The following IRGM variants were observed in gnomAD, a reference collection of about 807,000 sequenced individuals.
IRGM encodes the protein immunity related GTPase M.
For synonymous variants in IRGM, 98 were observed against 80.6 expected, an observed-to-expected ratio of 1.22 and a Z score of -1.16; for missense variants, 288 against 219.9, an observed-to-expected ratio of 1.31 and a Z score of -1.96.
intron 1 of IRGM, among the ~76,000 whole-genome samples, chr5:150,875,936 G>C (rs1278575069): frequency 6.6e-6 from 1 of 152,162 alleles, no homozygotes; most frequent in Non-Finnish European, 1.5e-5. Flanking sequence ...TGCCTATCCT[G>C]TGTACAATGC....
At chr5:150,880,552 T>C (rs188125050) in intron 3 of IRGM, among the ~76,000 whole-genome samples, 2 of 152,274 alleles carry the variant, frequency 1.3e-5, no homozygotes, top group East Asian at 3.9e-4. Flanking sequence ...TAAGTCCAAC[T>C]TGCAGCCTCC....
rs753704515 is a variant in IRGM, at chr5:150,896,571, C to CT, written c.*141-4017dup. ...AAGATTAGAATTGGGCTCACTCTGGCTAGATGATTTTCCACCTCCAAAACT... is the reference window on the plus strand; with the variant it reads ...AAGATTAGAATTGGGCTCACTCTGGCTTAGATGATTTTCCACCTCCAAAACT... On this transcript the variant is annotated intron_variant and NMD_transcript_variant, in intron 3 of 3. Coordinates refer to the IRGM transcript ENST00000520549. The CT allele has an allele frequency of 1.9e-6, 3 of 1,613,710 alleles. No homozygotes were observed. The Admixed American group carries it at 5.0e-5, about 27-fold the overall frequency.
intron 3 of IRGM, among the ~76,000 whole-genome samples, chr5:150,882,859 G>A (rs917252449): frequency 2.0e-5 from 3 of 152,078 alleles, no homozygotes; most frequent in African/African-American, 7.2e-5. Context: ...CTACACTTTA[G>A]ACCAAAGGGA....
chr5:150,901,068 T>C (rs186655013), downstream of IRGM, among the ~76,000 whole-genome samples: 12 of 152,122 alleles, frequency 7.9e-5, no homozygotes, highest in Admixed American at 3.3e-4. Flanking sequence ...TGTTAAAGGC[T>C]GAAAAGGAGG....
intron 3 of IRGM, among the ~76,000 whole-genome samples, chr5:150,899,422 A>T (rs1754917236): frequency 1.4e-5 from 2 of 139,116 alleles, no homozygotes; most frequent in South Asian, 2.4e-4. Context: ...TTTTTTTTTA[A>T]AAAAAGAAAA....
chr5:150,876,984 G>C (rs1041641276), intron 1 of IRGM, among the ~76,000 whole-genome samples: 1 of 151,884 alleles, frequency 6.6e-6, no homozygotes, highest in Middle Eastern at 3.2e-3. Context: ...CTTTATATTA[G>C]CATTTAAGCG....
downstream of IRGM, among the ~76,000 whole-genome samples, chr5:150,851,257 GGTGAAGA>G (rs1753970334): frequency 6.6e-6 from 1 of 152,158 alleles, no homozygotes; most frequent in Non-Finnish European, 1.5e-5. Flanking sequence ...AGATGGAGCA[GGTGAAGA>G]GTCAGATAAT....
At chr5:150,859,984 C>T (rs1046718893) in intron 1 of IRGM, among the ~76,000 whole-genome samples, 2 of 152,162 alleles carry the variant, frequency 1.3e-5, no homozygotes, top group African/African-American at 2.4e-5. Flanking sequence ...ACCCTGGCAC[C>T]TCTCACTGGG....
chr5:150,895,123 G>A (rs1158116530), intron 3 of IRGM: 1 of 249,134 alleles, frequency 4.0e-6, no homozygotes, highest in Non-Finnish European at 7.6e-6. Flanking sequence ...CACAATGGCT[G>A]ATTATCATTT....
intron 1 of IRGM, among the ~76,000 whole-genome samples, chr5:150,864,513 C>A (rs1754178662): frequency 6.6e-6 from 1 of 152,186 alleles, no homozygotes; most frequent in African/African-American, 2.4e-5. Flanking sequence ...TCAACCCTTT[C>A]AAATCTCTTT....
At chr5:150,893,040 T>C (rs1024053893) in intron 3 of IRGM, among the ~76,000 whole-genome samples, 1 of 152,152 alleles carries the variant, frequency 6.6e-6, no homozygotes, top group Non-Finnish European at 1.5e-5. Context: ...TGCTTAGGTA[T>C]TTTCAGGCTT....
rs750181020 is a variant in IRGM at position 150,882,831 on chromosome 5, G to T, written c.*140+3185G>T. Among the ~76,000 whole-genome samples, 71 of 152,018 alleles carry T rather than the reference G, an allele frequency of 4.7e-4. 1 individual carries two copies. The highest frequency in any genetic ancestry group is 9.0e-4 in the Non-Finnish European group (61 of 67,958). ...GATTATCCAGACAGAAAATCAATAA[G>T]GAAACATCAGACTTAAACTACACTT... On this transcript the variant is annotated intron_variant and NMD_transcript_variant, in intron 3 of 3. Transcript: ENST00000520549.
intron 1 of IRGM, among the ~76,000 whole-genome samples, chr5:150,871,595 CT>C (rs35651878): frequency 6.6e-6 from 1 of 152,224 alleles, no homozygotes; most frequent in Non-Finnish European, 1.5e-5. Context: ...CCCAGACTCC[CT>C]TTGGGGGATA....
At chr5:150,872,441 C>T (rs1754299029) in intron 1 of IRGM, among the ~76,000 whole-genome samples, 1 of 152,152 alleles carries the variant, frequency 6.6e-6, no homozygotes, top group African/African-American at 2.4e-5. Context: ...GGAACCACTC[C>T]CAACCTATAA....
At chr5:150,864,941 C>T (rs1006024532) in intron 1 of IRGM, among the ~76,000 whole-genome samples, 1 of 152,140 alleles carries the variant, frequency 6.6e-6, no homozygotes, top group Non-Finnish European at 1.5e-5. Context: ...TCATGAAAAC[C>T]CCAGGACCAG....
In IRGM at chr5:150,846,730, C is replaced by T. The variant is rs11748151; in HGVS notation, c.-906C>T. Reference sequence around the variant, plus strand: ...AACTCCAGACTCGCCGCCTGAAGAGCTGTAACTCTCACTTCGAAGGTCTGC... The same window carrying T: ...AACTCCAGACTCGCCGCCTGAAGAGTTGTAACTCTCACTTCGAAGGTCTGC... On this transcript the variant is annotated 5_prime_UTR_variant, in exon 1 of 2. Transcript: ENST00000522154. The T allele has an allele frequency of 0.2, 31,127 of 152,196 alleles. 5,199 individuals carry two copies. Among genetic ancestry groups the T allele is most frequent in the African/African-American group, 0.44 (18,136 of 41,188 alleles). The allele number at this position is 152,196 out of a possible 1,614,324, so 9.4% of individuals were successfully genotyped here.
chr5:150,896,155 A>C, intron 3 of IRGM: 2 of 1,613,398 alleles, frequency 1.2e-6, no homozygotes, highest in African/African-American at 2.7e-5. Flanking sequence ...TTCTGGGAGA[A>C]GGCTTTCCCG....
rs781399456 is a variant in IRGM, at chr5:150,848,457, C to A, written c.334C>A (p.Arg112=). The part of the protein sequence containing the change: ...ENYLMEMQFN[R]YDFIMVASAQ... ...CTACCTGATGGAAATGCAGTTCAAC[C>A]GGTATGACTTCATCATGGTTGCATC... is the stretch of plus-strand genomic sequence containing the variant. Residue 112 remains arginine, a synonymous_variant, in exon 2 of 2, where the codon CGG becomes AGG. Transcript: ENST00000522154. The A allele has an allele frequency of 6.4e-7, 1 of 1,551,744 alleles. No individual in the cohort carries two copies. Among genetic ancestry groups the A allele is most frequent in the Non-Finnish European group, 8.7e-7 (1 of 1,146,942 alleles).
intron 3 of IRGM, among the ~76,000 whole-genome samples, chr5:150,889,928 G>A (rs1277150339): frequency 6.6e-6 from 1 of 151,908 alleles, no homozygotes; most frequent in African/African-American, 2.4e-5. Context: ...TGATATTATT[G>A]TTTAGACTTT....
Sources: allele counts gnomAD v4.1 joint callset (sites outside exome capture counted in the v4.1 genomes callset), GRCh38; gene constraint gnomAD v4.1.1; transcripts MANE v1.5; gene names NCBI Gene and HGNC (gene_info 2026-07-23, HGNC 2026-07-21).